ZNF536: variants seen among roughly 807,000 people sequenced by gnomAD.
ZNF536 encodes the protein zinc finger protein 536.
A neutral mutation model predicts 84.5 loss-of-function variants in ZNF536; 13 were observed. The ratio of observed to expected loss-of-function variants is 0.15; its 90% confidence interval spans 0.10 to 0.24. The LOEUF (loss-of-function observed/expected upper bound fraction) is 0.24, where lower values mean the gene tolerates loss of function less well. Among genes scored for constraint, ZNF536 ranks in the 10% least tolerant of loss-of-function variants. The pLI is 1.00. For synonymous variants in ZNF536, 811 were observed against 742.5 expected, an observed-to-expected ratio of 1.09 and a Z score of -1.50; for missense variants, 1,536 against 1,747.5, an observed-to-expected ratio of 0.88 and a Z score of 2.16.
At chr19:30,463,119 A>G (rs557411415) in intron 2 of ZNF536, among the ~76,000 whole-genome samples, 87 of 152,162 alleles carry the variant, frequency 5.7e-4, no homozygotes, top group African/African-American at 2.0e-3. Context: ...GTGTATCTGT[A>G]TGCATTTGCC....
At chr19:30,318,018 T>G (rs1453137999) in intron 2 of ZNF536, among the ~76,000 whole-genome samples, 1 of 152,250 alleles carries the variant, frequency 6.6e-6, no homozygotes, top group African/African-American at 2.4e-5. Flanking sequence ...CTCTGTGGAC[T>G]GGAGTTGGTG....
intron 2 of ZNF536, among the ~76,000 whole-genome samples, chr19:30,532,683 G>A (rs2044887994): frequency 1.6e-5 from 2 of 126,602 alleles, no homozygotes; most frequent in South Asian, 2.7e-4. Flanking sequence ...CATGCTCAGG[G>A]TTGGGGTGGG....
chr19:30,274,516 CCA>C (rs1234951982), intron 1 of ZNF536, among the ~76,000 whole-genome samples: 2 of 152,190 alleles, frequency 1.3e-5, no homozygotes, highest in African/African-American at 4.8e-5. Flanking sequence ...TTTGGACTGG[CCA>C]GATTTCAAGT....
chr19:30,506,545 G>A (rs1222753891), intron 2 of ZNF536, among the ~76,000 whole-genome samples: 1 of 152,322 alleles, frequency 6.6e-6, no homozygotes, highest in East Asian at 1.9e-4. Flanking sequence ...GAGGCGAGGG[G>A]AGGTTCTGCC....
chr19:30,660,959 T>C (rs140169558), intron 1 of ZNF536, among the ~76,000 whole-genome samples: 1 of 152,352 alleles, frequency 6.6e-6, no homozygotes, highest in African/African-American at 2.4e-5. Flanking sequence ...TGTTTCGTTT[T>C]GTGCAAACAT....
chr19:30,479,938 C>T (rs2054005263), intron 2 of ZNF536, among the ~76,000 whole-genome samples: 1 of 152,334 alleles, frequency 6.6e-6, no homozygotes, highest in South Asian at 2.1e-4. Context: ...CGGTCCCCAG[C>T]CTTCAGGGCT....
chr19:30,430,516 G>A (rs183163419), intron 1 of ZNF536, among the ~76,000 whole-genome samples: 270 of 152,276 alleles, frequency 1.8e-3, no homozygotes, highest in African/African-American at 5.9e-3. Context: ...GGAGATAGAC[G>A]GAAGGGCTCT....
intron 2 of ZNF536, among the ~76,000 whole-genome samples, chr19:30,302,347 T>C (rs1158031957): frequency 6.6e-6 from 1 of 152,202 alleles, no homozygotes; most frequent in Non-Finnish European, 1.5e-5. Flanking sequence ...CTGGGCCTGC[T>C]GTGGGCAGGC....
intron 2 of ZNF536, among the ~76,000 whole-genome samples, chr19:30,463,193 G>A (rs890874095): frequency 6.6e-6 from 1 of 152,142 alleles, no homozygotes; most frequent in African/African-American, 2.4e-5. Context: ...ATTACATAGG[G>A]TGGATTTGAC....
In ZNF536 at chr19:30,493,081, A is replaced by G. The variant is rs183354111; in HGVS notation, c.2171-41766A>G. Among the ~76,000 whole-genome samples, 15 of 116,982 alleles carry G rather than the reference A, an allele frequency of 1.3e-4. No individual in the cohort carries two copies. In the East Asian group the frequency reaches 3.7e-3, roughly 29 times the overall value. 76.7% of individuals were successfully genotyped at this position (116,982 alleles called of 152,430 possible). On this transcript the variant is annotated intron_variant, in intron 2 of 4. Transcript: ENST00000355537. ...TTTCCTTAAATATCTCTCTTGCAATATTACTCACTTTTTTTTTTTTTTTTT... is the reference window on the plus strand; with the variant it reads ...TTTCCTTAAATATCTCTCTTGCAATGTTACTCACTTTTTTTTTTTTTTTTT...
intron 2 of ZNF536, among the ~76,000 whole-genome samples, chr19:30,493,945 G>A (rs2054612512): frequency 6.6e-6 from 1 of 152,136 alleles, no homozygotes; most frequent in South Asian, 2.1e-4. Context: ...AGCAATGGCT[G>A]CACAGATACA....
chr19:30,321,758 T>G (rs1158920936), intron 2 of ZNF536, among the ~76,000 whole-genome samples: 1 of 150,824 alleles, frequency 6.6e-6, no homozygotes. Flanking sequence ...TTTTGTTTTC[T>G]TTTTTCTTTT....
rs2046002204 is a variant in ZNF536 at position 30,557,327 on chromosome 19, A to C, written c.*163A>C. 7 of 713,082 alleles carry C rather than the reference A, an allele frequency of 9.8e-6. No individual in the cohort carries two copies. The highest frequency in any genetic ancestry group is 1.7e-5 in the Non-Finnish European group (7 of 413,098). 44.2% of individuals were successfully genotyped at this position (713,082 alleles called of 1,614,324 possible). ...ATAGGTATGTGTATACACACGGTGC[A>C]CCAATCTACAGTATATATAGCAGAG... On this transcript the variant is annotated 3_prime_UTR_variant, in exon 5 of 5. Coordinates refer to ENST00000355537, the MANE Select transcript of ZNF536 (RefSeq NM_014717.3).
rs141183036 is a variant in ZNF536 at position 30,375,978 on chromosome 19, G to A, written c.-3+3422G>A. Among the ~76,000 whole-genome samples the A allele has an allele frequency of 5.9e-3, 903 of 152,262 alleles. 8 individuals are homozygous for A. Among genetic ancestry groups the A allele is most frequent in the African/African-American group, 0.021 (852 of 41,550 alleles). On this transcript the variant is annotated intron_variant, in intron 1 of 4. Transcript: ENST00000355537. ...TTTGAGGTTTGTGTGCATGGGTAGCGTCTGTGAGAGCCATGTGTATATCTG... is the reference window on the plus strand; with the variant it reads ...TTTGAGGTTTGTGTGCATGGGTAGCATCTGTGAGAGCCATGTGTATATCTG...
chr19:30,548,140 G>A lies in ZNF536; in HGVS notation c.2521G>A (p.Ala841Thr), dbSNP rs200595340. Residue 841 changes from alanine to threonine, a missense_variant, in exon 4 of 5, where the codon GCC becomes ACC. Around this residue, in one of 8 missense-constraint regions of ZNF536, gnomAD observed 624 missense variants for 603.1 expected, o/e 1.03. Coordinates refer to ENST00000355537, the MANE Select transcript of ZNF536 (RefSeq NM_014717.3). ...LFIRPDILRGAFKGLPGIDFR... is the reference protein window; with the variant it reads ...LFIRPDILRGTFKGLPGIDFR... The stretch of plus-strand genomic sequence containing the variant: ...CATCAGGCCAGACATCCTGAGGGGG[G>A]CCTTCAAGGGTCTCCCTGGAATCGA... The A allele has an allele frequency of 1.1e-5, 18 of 1,614,036 alleles. No individual in the cohort carries two copies. In the East Asian group the frequency reaches 4.0e-4, roughly 36 times the overall value.
Position 30,246,852 on chromosome 19 carries a change from C to G in ZNF536, c.-190+18179C>G, listed in dbSNP as rs1325117854. Among the ~76,000 whole-genome samples, 9 of 152,294 alleles carry G rather than the reference C, an allele frequency of 5.9e-5. No individual in the cohort carries two copies. In the East Asian group the frequency reaches 1.2e-3, roughly 20 times the overall value. On this transcript the variant is annotated intron_variant, in intron 1 of 5. Transcript: ENST00000585628. The stretch of plus-strand genomic sequence containing the variant: ...TTATTATATTTTTTAAATAAGGACC[C>G]TAAGAGTCTACCAGGGATATTTGAA...
At chr19:30,426,303 G>C (rs1342723216) in intron 1 of ZNF536, among the ~76,000 whole-genome samples, 1 of 152,156 alleles carries the variant, frequency 6.6e-6, no homozygotes, top group East Asian at 1.9e-4. Context: ...GAGGTGCCTT[G>C]ATTTATGCAT....
In ZNF536 at chr19:30,539,785, G is replaced by C. The variant is rs556592637; in HGVS notation, c.2323+4786G>C. On this transcript the variant is annotated intron_variant, in intron 3 of 4. Transcript: ENST00000355537. ...GATGCTGACAGGTCCCTGAAAGCCTGGGGGAGGCGTGACCCCCTGGTGGGT... is the reference window on the plus strand; with the variant it reads ...GATGCTGACAGGTCCCTGAAAGCCTCGGGGAGGCGTGACCCCCTGGTGGGT... 3.3e-5 allele frequency among the ~76,000 whole-genome samples: 5 copies of C among 152,282 alleles called. No homozygotes were observed. In the South Asian group the frequency reaches 1.0e-3, roughly 32 times the overall value.
chr19:30,388,653 G>A (rs996871466), intron 1 of ZNF536, among the ~76,000 whole-genome samples: 10 of 152,206 alleles, frequency 6.6e-5, no homozygotes, highest in Admixed American at 4.6e-4. Flanking sequence ...AAACCCTCAC[G>A]GTGTTTTCTT....
Sources: gnomAD v4.1 joint callset for allele counts (sites outside exome capture counted in the v4.1 genomes callset) on GRCh38, gnomAD v4.1.1 for gene constraint, gnomAD v4.1.1 regional missense constraint, MANE v1.5 for transcripts, NCBI Gene and HGNC (gene_info 2026-07-23, HGNC 2026-07-21) for gene names.